Variants in PHC3 observed in about 807,000 individuals in gnomAD.
The protein encoded by PHC3 is polyhomeotic-like protein 3.
In PHC3, 13 loss-of-function variants were observed where a neutral mutation model predicts 107.4. The ratio of observed to expected loss-of-function variants is 0.12; its 90% confidence interval spans 0.08 to 0.19. The LOEUF (loss-of-function observed/expected upper bound fraction) is 0.19, where lower values mean the gene tolerates loss of function less well. PHC3 is among the 10% of genes least tolerant of loss of function. The pLI is 1.00. For synonymous variants in PHC3, 456 were observed against 427.4 expected (o/e 1.07, Z -0.83); for missense variants, 992 against 1,210.9 (o/e 0.82, Z 2.68).
chr3:170,139,970 CTGAGT>C (rs1444447529), intron 6 of PHC3, among the ~76,000 whole-genome samples: 2 of 151,902 alleles, frequency 1.3e-5, no homozygotes, highest in Non-Finnish European at 2.9e-5. Context: ...TACATTTTGC[CTGAGT>C]TATTTTTGCT....
chr3:170,166,030 A>G (rs1399737365), intron 4 of PHC3, among the ~76,000 whole-genome samples: 1 of 150,784 alleles, frequency 6.6e-6, no homozygotes, highest in Non-Finnish European at 1.5e-5. Context: ...ATAAAGAACC[A>G]CCAAATAATA....
intron 1 of PHC3, among the ~76,000 whole-genome samples, 154 bp from the exon 2 acceptor site, chr3:170,179,092 A>G (rs1345486362): frequency 2.0e-5 from 3 of 152,248 alleles, no homozygotes; most frequent in East Asian, 3.8e-4. Context: ...AGCACTTAGA[A>G]GGGAAAAATA....
Position 170,172,540 on chromosome 3 carries a change from T to G in PHC3, c.336+17A>C. 2 of 1,605,854 alleles carry G rather than the reference T, an allele frequency of 1.2e-6. No homozygotes were observed. Among genetic ancestry groups the G allele is most frequent in the Non-Finnish European group, 8.5e-7 (1 of 1,177,972 alleles). ...TAACAGAAACTTTGATCTCATAAAC[T>G]CTTATTTTAGTCTTACCTGAACAGC... On this transcript the variant is annotated intron_variant, in intron 3 of 14. Coordinates refer to ENST00000495893, the MANE Select transcript of PHC3 (RefSeq NM_024947.4).
In PHC3 at chr3:170,089,914, C is replaced by CAAAAA. The variant is rs1178846219; in HGVS notation, c.*7311_*7315dup. The CAAAAA allele has an allele frequency of 9.2e-5, 4 of 43,586 alleles. No homozygotes were observed. Among genetic ancestry groups the CAAAAA allele is most frequent in the African/African-American group, 2.0e-4 (3 of 14,888 alleles). 2.7% of individuals were successfully genotyped at this position (43,586 alleles called of 1,614,324 possible). A position where few individuals can be genotyped will look rare whatever the true frequency, so the allele number is the denominator to read the frequency against. On this transcript the variant is annotated 3_prime_UTR_variant, in exon 15 of 15. Transcript: ENST00000495893. ...CCTGGGCAACAGAGCGAACCCATCTCAAAAAAAAAAAAAAGAAAAAAAAAA... is the reference window on the plus strand; with the variant it reads ...CCTGGGCAACAGAGCGAACCCATCTCAAAAAAAAAAAAAAAAAAAGAAAAAAAAAA...
intron 6 of PHC3, among the ~76,000 whole-genome samples, chr3:170,143,710 G>C (rs556792387): frequency 6.6e-6 from 1 of 151,920 alleles, no homozygotes; most frequent in Non-Finnish European, 1.5e-5. Flanking sequence ...AATTTATTGA[G>C]GTGTAACTTA....
chr3:170,164,554 TG>T (rs1268456163), intron 4 of PHC3, among the ~76,000 whole-genome samples: 1 of 152,072 alleles, frequency 6.6e-6, no homozygotes, highest in Non-Finnish European at 1.5e-5. Context: ...CTATTCCTCC[TG>T]CCAAGAACAA....
At chr3:170,151,965 T>C (rs1410600508) in intron 4 of PHC3, among the ~76,000 whole-genome samples, 4 of 152,158 alleles carry the variant, frequency 2.6e-5, no homozygotes. Context: ...CTTCCTATGA[T>C]TTATAGGAAT....
chr3:170,179,646 C>T (rs1300646730), intron 1 of PHC3, among the ~76,000 whole-genome samples: 1 of 152,170 alleles, frequency 6.6e-6, no homozygotes, highest in Non-Finnish European at 1.5e-5. Context: ...ATTTTGAAAA[C>T]ATAAATTATG....
chr3:170,152,764 G>A (rs916258754), intron 4 of PHC3, among the ~76,000 whole-genome samples: 7 of 150,568 alleles, frequency 4.6e-5, no homozygotes, highest in African/African-American at 1.5e-4. Context: ...AGACTCAGAT[G>A]ATCCTTCCAC....
chr3:170,152,586 A>T (rs747331340), intron 4 of PHC3, among the ~76,000 whole-genome samples: 4 of 151,730 alleles, frequency 2.6e-5, no homozygotes, highest in African/African-American at 4.8e-5. Context: ...TTTTCAGACC[A>T]TTCCCTCTCA....
chr3:170,155,452 G>A (rs936252112), intron 4 of PHC3, among the ~76,000 whole-genome samples: 1 of 152,232 alleles, frequency 6.6e-6, no homozygotes, highest in African/African-American at 2.4e-5. Flanking sequence ...CAGGCATAGT[G>A]GCTCATGCCA....
intron 2 of PHC3, among the ~76,000 whole-genome samples, chr3:170,174,527 C>A (rs1730111546): frequency 6.6e-6 from 1 of 152,174 alleles, no homozygotes; most frequent in African/African-American, 2.4e-5. Context: ...ACATTGTGCT[C>A]ACTGTGACTC....
At chr3:170,144,202 G>A (rs140750932) in intron 6 of PHC3, among the ~76,000 whole-genome samples, 3,430 of 151,176 alleles carry the variant, frequency 0.023, 125 homozygotes, top group African/African-American at 0.079. Flanking sequence ...TTAGCCAGGC[G>A]TAGTAGTGCG....
At chr3:170,114,268 C>T (rs895133774) in intron 10 of PHC3, among the ~76,000 whole-genome samples, 4 of 152,250 alleles carry the variant, frequency 2.6e-5, no homozygotes, top group South Asian at 2.1e-4. Context: ...CTCAGCCTCC[C>T]GAAGTGCTGG....
intron 14 of PHC3, among the ~76,000 whole-genome samples, chr3:170,101,406 T>C (rs914343400): frequency 6.6e-6 from 1 of 152,210 alleles, no homozygotes; most frequent in Non-Finnish European, 1.5e-5. Flanking sequence ...TAGCTCTAAG[T>C]ATGCTTCCAA....
At chr3:170,161,706 T>C (rs917148359) in intron 4 of PHC3, among the ~76,000 whole-genome samples, 1 of 152,214 alleles carries the variant, frequency 6.6e-6, no homozygotes, top group Non-Finnish European at 1.5e-5. Flanking sequence ...TGCACACTTT[T>C]AGAGGCTGGG....
In PHC3 at chr3:170,178,865, T is replaced by C. The variant is rs769522571; in HGVS notation, c.88A>G (p.Ser30Gly). The C allele has an allele frequency of 1.9e-6, 3 of 1,613,962 alleles. No individual in the cohort carries two copies. The highest frequency in any genetic ancestry group is 3.3e-5 in the Admixed American group (2 of 60,014). ...GTSSVSTTTS[S>G]TTTTTITTSS... ...GTGGTGATGGTGGTGGTGGTGGTACTGCTGGTTGTTGTTGACACAGAAGAT... is the reference window on the plus strand; with the variant it reads ...GTGGTGATGGTGGTGGTGGTGGTACCGCTGGTTGTTGTTGACACAGAAGAT... Residue 30 changes from serine to glycine, a missense_variant, in exon 2 of 15, where the codon AGT becomes GGT. Around this residue, in one of 6 missense-constraint regions of PHC3, gnomAD observed 161 missense variants for 183.7 expected, o/e 0.88. Coordinates refer to ENST00000495893, the MANE Select transcript of PHC3 (RefSeq NM_024947.4).
In PHC3 at chr3:170,172,726, A is replaced by G. The variant is rs1729804758; in HGVS notation, c.181-14T>C. The G allele has an allele frequency of 6.3e-7, 1 of 1,581,376 alleles. No homozygotes were observed. Among genetic ancestry groups the G allele is most frequent in the African/African-American group, 1.4e-5 (1 of 73,970 alleles). On this transcript the variant is annotated splice_polypyrimidine_tract_variant and intron_variant, in intron 2 of 14. Transcript: ENST00000495893. ...CTGTTGAATTACCTGTGATAAGTCA[A>G]TTGAACCAATGTCAAACCATAATCT...
At chr3:170,131,849 T>C (rs745994073) in intron 7 of PHC3, among the ~76,000 whole-genome samples, 3 of 152,234 alleles carry the variant, frequency 2.0e-5, no homozygotes, top group Non-Finnish European at 4.4e-5. Flanking sequence ...AAAAAAAGAA[T>C]AACAAATCTT....
Sources: allele counts gnomAD v4.1 joint callset (sites outside exome capture counted in the v4.1 genomes callset), GRCh38; gene constraint gnomAD v4.1.1; regional missense constraint gnomAD v4.1.1; transcripts MANE v1.5; gene names NCBI Gene and HGNC (gene_info 2026-07-23, HGNC 2026-07-21).